Variants in MYO7B observed in about 807,000 individuals in gnomAD.
MYO7B encodes the protein unconventional myosin-VIIb.
MYO7B carries 212 observed loss-of-function variants against 259.7 expected under a neutral mutation model. The ratio of observed to expected loss-of-function variants is 0.82; its 90% CI spans 0.73 to 0.91. The LOEUF (loss-of-function observed/expected upper bound fraction) is 0.91, where lower values mean the gene tolerates loss of function less well. Ranked by LOEUF, MYO7B falls within the 40% of genes least tolerant of loss-of-function variation. The pLI is 0.00. For missense variants in MYO7B, 2,732 were observed against 2,813.5 expected, an observed-to-expected ratio of 0.97 and a Z score of 0.66; for synonymous variants, 1,197 against 1,166.4, an observed-to-expected ratio of 1.03 and a Z score of -0.54.
At position 127,611,802 on chromosome 2, in the gene MYO7B, G is replaced by A. The variant is rs1310118333; in HGVS notation, c.3193-448G>A. Among the ~76,000 whole-genome samples the A allele has an allele frequency of 6.6e-6, 1 of 152,202 alleles. No individual in the cohort carries two copies. Among genetic ancestry groups the A allele is most frequent in the Non-Finnish European group, 1.5e-5 (1 of 68,028 alleles). On this transcript the variant is annotated intron_variant, in intron 24 of 47. Coordinates refer to ENST00000409816, the MANE Select transcript of MYO7B (RefSeq NM_001393586.1). This position sits in a 1 kb window ranked among gnomAD's most constrained non-coding sequence, Gnocchi z 5.4. Reference sequence around the variant, plus strand: ...CTGGCCTCTCAACCCCGGCTCTTCGGATCCCCTGCAGAGCACCTTGCAGTG... The same window carrying A: ...CTGGCCTCTCAACCCCGGCTCTTCGAATCCCCTGCAGAGCACCTTGCAGTG...
intron 42 of MYO7B, 164 bp from the exon 43 acceptor site, chr2:127,634,956 C>G: frequency 1.5e-6 from 1 of 660,382 alleles, no homozygotes; most frequent in Non-Finnish European, 2.7e-6. Context: ...CTGGAGAAGG[C>G]AGCCTCTACA....
Position 127,576,960 on chromosome 2 carries a change from T to G in MYO7B, c.849+252T>G, listed in dbSNP as rs1678896787. Among the ~76,000 whole-genome samples, 1 of 152,020 alleles carries G rather than the reference T, an allele frequency of 6.6e-6. No individual in the cohort carries two copies. Among genetic ancestry groups the G allele is most frequent in the Non-Finnish European group, 1.5e-5 (1 of 67,994 alleles). ...CGGGGCCTCCCCGCAGACCTCATCT[T>G]CCTTTGGTCCCCACTGGATGACAGG... is the stretch of plus-strand genomic sequence containing the variant. On this transcript the variant is annotated intron_variant, in intron 8 of 47. Transcript: ENST00000409816. The surrounding 1 kb of genome is among the most constrained non-coding windows in gnomAD (Gnocchi z 4.9).
At position 127,590,231 on chromosome 2, in the gene MYO7B, T is replaced by C. The variant is rs959750665; in HGVS notation, c.1992+2T>C. On this transcript the variant is annotated splice_donor_variant, in intron 16 of 47. Coordinates refer to ENST00000409816, the MANE Select transcript of MYO7B (RefSeq NM_001393586.1). LOFTEE classifies it high-confidence loss of function. This position sits in a 1 kb window ranked among gnomAD's most constrained non-coding sequence, Gnocchi z 4.6. The stretch of plus-strand genomic sequence containing the variant: ...CCTAATGAGTACAAGAAGCCGCTGG[T>C]AATGACAGGAGGCTGGGGCACAGCA... 2 of 1,612,696 alleles carry C rather than the reference T, an allele frequency of 1.2e-6. No homozygotes were observed. The highest frequency in any genetic ancestry group is 1.7e-6 in the Non-Finnish European group (2 of 1,179,750).
In MYO7B at chr2:127,566,697, T is replaced by C. The variant is rs760642269; in HGVS notation, c.340T>C (p.Tyr114His). Residue 114 changes from tyrosine to histidine, a missense_variant, in exon 5 of 48, where the codon TAC becomes CAC. Physicochemically the swap from Tyr to His is moderately conservative, Grantham distance 83. Transcript: ENST00000409816. ...CAACCCGTTCCAGGTGCTGCCGCTC[T>C]ACACCCTGGAGCAGGTACAGCTCTA... ...AVNPFQVLPL[Y>H]TLEQVQLYYS... The C allele has an allele frequency of 7.5e-6, 12 of 1,609,732 alleles. No homozygotes were observed. In the Admixed American group the frequency reaches 1.7e-4, roughly 23 times the overall value.
intron 1 of MYO7B, among the ~76,000 whole-genome samples, chr2:127,554,220 G>T (rs942586327): frequency 6.6e-6 from 1 of 152,084 alleles, no homozygotes; most frequent in Non-Finnish European, 1.5e-5. Context: ...GATTACAGGC[G>T]TGTGCCACCA....
At chr2:127,594,073 G>A (rs1331796635) in intron 18 of MYO7B, among the ~76,000 whole-genome samples, 1 of 152,266 alleles carries the variant, frequency 6.6e-6, no homozygotes, top group Non-Finnish European at 1.5e-5. Context: ...AGCCCGGAGG[G>A]CTACTGCTTT....
At position 127,636,525 on chromosome 2, in the gene MYO7B, G is replaced by T; in HGVS notation, c.6124-20G>T. ...TGGCCTCCCGGGCTGGACTATGACC[G>T]CCGTGTCCCTCCCTCCCAGCAAACC... On this transcript the variant is annotated intron_variant, in intron 45 of 47. Transcript: ENST00000409816. The surrounding 1 kb of genome is among the most constrained non-coding windows in gnomAD (Gnocchi z 4.5). 6.2e-7 allele frequency: 1 copy of T among 1,601,610 alleles called. No individual in the cohort carries two copies. Among genetic ancestry groups the T allele is most frequent in the South Asian group, 1.1e-5 (1 of 89,286 alleles).
rs1214011765 is a variant in MYO7B at position 127,597,139 on chromosome 2, G to A, written c.2339+583G>A. On this transcript the variant is annotated intron_variant, in intron 19 of 47. Transcript: ENST00000409816. This position sits in a 1 kb window ranked among gnomAD's most constrained non-coding sequence, Gnocchi z 4.8. ...GGAGCTAGGGCCCACAGCTAGAGAG[G>A]CAGCTGTGCTGCTGGGAAGCCGGAG... 6.6e-6 allele frequency among the ~76,000 whole-genome samples: 1 copy of A among 152,248 alleles called. No individual in the cohort carries two copies. Among genetic ancestry groups the A allele is most frequent in the Non-Finnish European group, 1.5e-5 (1 of 68,038 alleles).
Position 127,565,325 on chromosome 2 carries a change from C to T in MYO7B, c.225C>T (p.Asp75=). 6.2e-7 allele frequency: 1 copy of T among 1,614,022 alleles called. No individual in the cohort carries two copies. Among genetic ancestry groups the T allele is most frequent in the Non-Finnish European group, 8.5e-7 (1 of 1,179,878 alleles). ...TGGACGACATGATCCGCCTGGGGGA[C>T]CTGAACGAGGCAGGCATGGTGCACA... ...QGVDDMIRLG[D]LNEAGMVHNL... Residue 75 remains aspartate (D), a synonymous_variant, in exon 4 of 48, where the codon GAC becomes GAT. Coordinates refer to ENST00000409816, the MANE Select transcript of MYO7B (RefSeq NM_001393586.1).
chr2:127,637,203 T>C (rs1681887481), intron 47 of MYO7B, 113 bp from the exon 48 acceptor site: 5 of 945,426 alleles, frequency 5.3e-6, no homozygotes, highest in Non-Finnish European at 8.4e-6. Flanking sequence ...CCGCCTTCCC[T>C]TTCTCCATGC....
At chr2:127,612,227 G>A (rs1310289456) in intron 24 of MYO7B, 23 bp from the exon 25 acceptor site, 2 of 599,310 alleles carry the variant, frequency 3.3e-6, no homozygotes, top group South Asian at 3.0e-5. Flanking sequence ...TCACCTTCCT[G>A]CGGGAACTGT....
At chr2:127,630,362 G>A (rs13417920) in intron 35 of MYO7B, among the ~76,000 whole-genome samples, 25,116 of 152,222 alleles carry the variant, frequency 0.16, 2,139 homozygotes, top group Middle Eastern at 0.29. Flanking sequence ...AAATAATAGG[G>A]TGGGGAACTT....
At chr2:127,540,726 A>G (rs1208310390) in intron 1 of MYO7B, among the ~76,000 whole-genome samples, 1 of 152,186 alleles carries the variant, frequency 6.6e-6, no homozygotes, top group Non-Finnish European at 1.5e-5. Flanking sequence ...CCATCCCACA[A>G]ATGAATGAGG....
At chr2:127,582,058 G>A in intron 11 of MYO7B, 48 bp downstream of exon 11, 2 of 1,611,074 alleles carry the variant, frequency 1.2e-6, no homozygotes, top group Non-Finnish European at 1.7e-6. Flanking sequence ...GTTGACCACG[G>A]CTCTGCTTCT....
intron 17 of MYO7B, 46 bp from the exon 18 acceptor site, chr2:127,593,500 G>T (rs1220980342): frequency 1.9e-6 from 3 of 1,574,410 alleles, no homozygotes; most frequent in South Asian, 2.3e-5. Context: ...GCCGCCGAGG[G>T]GTCTCTGCCC....
rs35542480 is a variant in MYO7B, at chr2:127,617,487, GTTTTTTTTTTTTTT to G, written c.3399-2840_3399-2827del. On this transcript the variant is annotated intron_variant, in intron 26 of 47. Coordinates refer to ENST00000409816, the MANE Select transcript of MYO7B (RefSeq NM_001393586.1). ...ATGCTGCCAGCAGACTTGTAACGGG[GTTTTTTTTTTTTTT>G]TTTTTTTTTTTTGAGACGGAGTCTC... Among the ~76,000 whole-genome samples the G allele has an allele frequency of 4.2e-3, 359 of 84,836 alleles. 13 individuals carry two copies. In the East Asian group the frequency reaches 0.088, roughly 21 times the overall value. 55.7% of individuals were successfully genotyped at this position (84,836 alleles called of 152,430 possible).
At chr2:127,637,220 C>T in intron 47 of MYO7B, 96 bp from the exon 48 acceptor site, 1 of 1,000,892 alleles carries the variant, frequency 1.0e-6, no homozygotes, top group East Asian at 2.6e-5. Context: ...ATGCCCTGCA[C>T]TGCTGGTTGC....
In MYO7B at chr2:127,566,841, G is replaced by T. The variant is rs766589038; in HGVS notation, c.470+14G>T. On this transcript the variant is annotated intron_variant, in intron 5 of 47. Coordinates refer to ENST00000409816, the MANE Select transcript of MYO7B (RefSeq NM_001393586.1). ...CTGCATCATCAGGTGAGGCAGAGGG[G>T]TCAGGCACCACCTCCAGGCATCTCC... 2.0e-5 allele frequency: 32 copies of T among 1,602,418 alleles called. No homozygotes were observed. Among genetic ancestry groups the T allele is most frequent in the Non-Finnish European group, 2.6e-5 (31 of 1,177,154 alleles).
In MYO7B at chr2:127,590,283, G is replaced by T; in HGVS notation, c.1992+54G>T. The T allele has an allele frequency of 1.9e-6, 3 of 1,610,348 alleles. No individual in the cohort carries two copies. Among genetic ancestry groups the T allele is most frequent in the Non-Finnish European group, 2.5e-6 (3 of 1,178,756 alleles). On this transcript the variant is annotated intron_variant, in intron 16 of 47. Coordinates refer to ENST00000409816, the MANE Select transcript of MYO7B (RefSeq NM_001393586.1). This position sits in a 1 kb window ranked among gnomAD's most constrained non-coding sequence, Gnocchi z 4.6. ...AGGAGGGAGGAGGAGGAGGCTGATG[G>T]CCTCTAGGGTTGTGGTCACTCCCTC...
Sources: gnomAD v4.1 joint callset for allele counts (sites outside exome capture counted in the v4.1 genomes callset) on GRCh38, gnomAD v4.1.1 for gene constraint, Gnocchi (gnomAD v3.1) non-coding constraint, MANE v1.5 for transcripts, NCBI Gene and HGNC (gene_info 2026-07-23, HGNC 2026-07-21) for gene names.